MALSU1: variants seen among roughly 807,000 people sequenced by gnomAD.
MALSU1 encodes the protein mitochondrial assembly of ribosomal large subunit 1.
In MALSU1, 22 loss-of-function variants were observed where a neutral mutation model predicts 22.1. The observed-to-expected ratio is 1.00, with a 90% CI of 0.71 to 1.42. MALSU1 has a LOEUF of 1.42. Among genes scored for constraint, MALSU1 ranks in the 40% most tolerant of loss-of-function variants. MALSU1 has a pLI of 0.00. For missense variants in MALSU1, 379 were observed against 308.3 expected (o/e 1.23, Z -1.72); for synonymous variants, 153 against 118.5 (o/e 1.29, Z -1.89).
At chr7:23,303,318 AAT>A (rs1783673104) in intron 2 of MALSU1, among the ~76,000 whole-genome samples, 1 of 152,166 alleles carries the variant, frequency 6.6e-6, no homozygotes, top group Non-Finnish European at 1.5e-5. Context: ...GACTTAGCAT[AAT>A]GTCTTCAAGG....
At chr7:23,301,241 T>G in intron 2 of MALSU1, 1 of 400,516 alleles carries the variant, frequency 2.5e-6, no homozygotes, top group Non-Finnish European at 4.4e-6. Flanking sequence ...TCTTTTCTCT[T>G]GTGACCGCAA....
At chr7:23,304,386 C>T (rs147496165) in intron 2 of MALSU1, among the ~76,000 whole-genome samples, 18 of 152,236 alleles carry the variant, frequency 1.2e-4, no homozygotes, top group Non-Finnish European at 1.5e-4. Context: ...ATGGGCATGA[C>T]GTGATATCTC....
Position 23,310,669 on chromosome 7 carries a change from A to G in MALSU1, c.*1126A>G, listed in dbSNP as rs1225608371. ...CTTTTTTGGTTAAAACTACAAAAGA[A>G]ACTTGTTTTCAGAGAACATTAAGGA... On this transcript the variant is annotated 3_prime_UTR_variant, in exon 4 of 4. Coordinates refer to ENST00000466681, the MANE Select transcript of MALSU1 (RefSeq NM_138446.2). The G allele has an allele frequency of 6.6e-6, 1 of 152,220 alleles. No individual in the cohort carries two copies. Among genetic ancestry groups the G allele is most frequent in the African/African-American group, 2.4e-5 (1 of 41,456 alleles). The allele number at this position is 152,220 out of a possible 1,614,324, so 9.4% of individuals were successfully genotyped here.
chr7:23,307,843 TAATAAACCACCTGGCTTTTTGCAGTAC>T lies in MALSU1; in HGVS notation c.436-22_440del. On this transcript the variant is annotated splice_acceptor_variant and splice_polypyrimidine_tract_variant and coding_sequence_variant and intron_variant, in exon 3 of 4. Transcript: ENST00000466681. LOFTEE classifies it high-confidence loss of function. ...AGGCTTCCCCCATCCCCTCTCCCTTTAATAAACCACCTGGCTTTTTGCAGTACAAACACCTGAAATGTAAACGTGACC... is the reference window on the plus strand; with the variant it reads ...AGGCTTCCCCCATCCCCTCTCCCTTTAAACACCTGAAATGTAAACGTGACC... The T allele has an allele frequency of 1.3e-6, 2 of 1,572,760 alleles. No homozygotes were observed. The highest frequency in any genetic ancestry group is 1.7e-6 in the Non-Finnish European group (2 of 1,144,432).
At chr7:23,306,831 T>C (rs1393609582) in intron 2 of MALSU1, among the ~76,000 whole-genome samples, 1 of 152,226 alleles carries the variant, frequency 6.6e-6, no homozygotes, top group Non-Finnish European at 1.5e-5. Context: ...GAGTTTGGTT[T>C]GCTAGTATTT....
At chr7:23,300,535 T>C (rs534678319) in intron 1 of MALSU1, among the ~76,000 whole-genome samples, 6 of 152,324 alleles carry the variant, frequency 3.9e-5, no homozygotes, top group African/African-American at 1.4e-4. Flanking sequence ...TTGTGGTGTA[T>C]TGCTCCTTTT....
In MALSU1 at chr7:23,310,206, A is replaced by G. The variant is rs901401697; in HGVS notation, c.*663A>G. The G allele has an allele frequency of 6.6e-6, 1 of 152,330 alleles. No homozygotes were observed. Among genetic ancestry groups the G allele is most frequent in the South Asian group, 2.1e-4 (1 of 4,832 alleles). 9.4% of individuals were successfully genotyped at this position (152,330 alleles called of 1,614,324 possible). ...CAAAAATAAAACATACTACACAACA[A>G]GCTGCACCTAAATGATGAAAAAATT... On this transcript the variant is annotated 3_prime_UTR_variant, in exon 4 of 4. Coordinates refer to ENST00000466681, the MANE Select transcript of MALSU1 (RefSeq NM_138446.2).
chr7:23,301,151 C>T (rs1783639702), intron 2 of MALSU1, 134 bp downstream of exon 2: 2 of 725,090 alleles, frequency 2.8e-6, no homozygotes, highest in Non-Finnish European at 4.6e-6. Flanking sequence ...TCAGAATTTG[C>T]ATGAATTCAT....
At chr7:23,307,733 G>A (rs1783739790) in intron 2 of MALSU1, 135 bp from the exon 3 acceptor site, 3 of 618,292 alleles carry the variant, frequency 4.9e-6, no homozygotes, top group Non-Finnish European at 8.6e-6. Flanking sequence ...ATTCATCACA[G>A]GGCAAAGTAT....
chr7:23,307,785 AAC>A (rs887253392), intron 2 of MALSU1, 81 bp from the exon 3 acceptor site: 3 of 858,808 alleles, frequency 3.5e-6, no homozygotes, highest in Non-Finnish European at 5.7e-6. Context: ...AAAACAAACA[AAC>A]AAACAAAAAA....
chr7:23,302,154 TC>T (rs1389000810), intron 2 of MALSU1, among the ~76,000 whole-genome samples: 1 of 152,154 alleles, frequency 6.6e-6, no homozygotes, highest in Non-Finnish European at 1.5e-5. Context: ...TGTCCAGTGT[TC>T]CCAAGCACTG....
Position 23,304,683 on chromosome 7 carries a change from G to A in MALSU1, c.436-3185G>A, listed in dbSNP as rs189339932. Among the ~76,000 whole-genome samples the A allele has an allele frequency of 3.3e-5, 5 of 152,198 alleles. No individual in the cohort carries two copies. In the East Asian group the frequency reaches 9.7e-4, roughly 29 times the overall value. ...AATTCATAGAGACAGAAAGTAGAATGGTAGGAGTTACTCCACAGTGCCCAG... is the reference window on the plus strand; with the variant it reads ...AATTCATAGAGACAGAAAGTAGAATAGTAGGAGTTACTCCACAGTGCCCAG... On this transcript the variant is annotated intron_variant, in intron 2 of 3. Transcript: ENST00000466681.
chr7:23,301,350 T>C (rs13233316), intron 2 of MALSU1, among the ~76,000 whole-genome samples: 1 of 151,884 alleles, frequency 6.6e-6, no homozygotes, highest in African/African-American at 2.4e-5. Flanking sequence ...AACCTCCGCC[T>C]CCCGGGTTTA....
intron 2 of MALSU1, among the ~76,000 whole-genome samples, chr7:23,306,055 G>C (rs1036794920): frequency 6.6e-6 from 1 of 152,132 alleles, no homozygotes; most frequent in Non-Finnish European, 1.5e-5. Context: ...TTAGCCGGGC[G>C]TGGTGGCGCA....
intron 2 of MALSU1, among the ~76,000 whole-genome samples, chr7:23,301,948 A>G (rs1322665798): frequency 6.6e-6 from 1 of 151,464 alleles, no homozygotes; most frequent in Non-Finnish European, 1.5e-5. Flanking sequence ...CAGCCTGGTG[A>G]CAGAGCCAGA....
At chr7:23,306,052 G>A (rs1783718105) in intron 2 of MALSU1, among the ~76,000 whole-genome samples, 1 of 152,084 alleles carries the variant, frequency 6.6e-6, no homozygotes, top group Non-Finnish European at 1.5e-5. Flanking sequence ...AAATTAGCCG[G>A]GCGTGGTGGC....
intron 2 of MALSU1, chr7:23,307,621 G>C (rs1783738158): frequency 2.6e-6 from 1 of 385,006 alleles, no homozygotes; most frequent in Non-Finnish European, 4.6e-6. Flanking sequence ...AGGCACCTTG[G>C]TGAATGAATG....
intron 2 of MALSU1, among the ~76,000 whole-genome samples, chr7:23,302,254 G>T (rs890299765): frequency 5.3e-5 from 8 of 152,178 alleles, no homozygotes; most frequent in African/African-American, 1.9e-4. Context: ...TTGTTTTCCA[G>T]TTGCACTGAA....
intron 2 of MALSU1, 90 bp from the exon 3 acceptor site, chr7:23,307,778 A>G (rs1024615230): frequency 2.5e-6 from 2 of 789,866 alleles, no homozygotes; most frequent in African/African-American, 1.9e-5. Context: ...ATTAAAAAAA[A>G]CAAACAAACA....
Sources: gnomAD v4.1 joint callset for allele counts (sites outside exome capture counted in the v4.1 genomes callset) on GRCh38, gnomAD v4.1.1 for gene constraint, MANE v1.5 for transcripts, NCBI Gene and HGNC (gene_info 2026-07-23, HGNC 2026-07-21) for gene names.